SIRPA: variants seen among roughly 807,000 people sequenced by gnomAD.
SIRPA encodes the protein tyrosine-protein phosphatase non-receptor type substrate 1.
A neutral mutation model predicts 50.3 loss-of-function variants in SIRPA; 9 were observed. The ratio of observed to expected loss-of-function variants is 0.18; its 90% CI spans 0.11 to 0.31. The LOEUF (loss-of-function observed/expected upper bound fraction) is 0.31, where lower values mean the gene tolerates loss of function less well. Ranked by LOEUF, SIRPA falls within the 10% of genes least tolerant of loss-of-function variation. The pLI is 1.00. For synonymous variants in SIRPA, 265 were observed against 284.1 expected, an observed-to-expected ratio of 0.93 and a Z score of 0.68; for missense variants, 474 against 661.6, an observed-to-expected ratio of 0.72 and a Z score of 3.11.
intron 2 of SIRPA, among the ~76,000 whole-genome samples, chr20:1,916,005 T>C (rs1319310528): frequency 6.6e-6 from 1 of 152,242 alleles, no homozygotes; most frequent in African/African-American, 2.4e-5. Context: ...ACAGATTTAC[T>C]GTTTAATCTG....
At chr20:1,901,082 C>A (rs923167318) in intron 1 of SIRPA, among the ~76,000 whole-genome samples, 1 of 151,648 alleles carries the variant, frequency 6.6e-6, no homozygotes, top group Non-Finnish European at 1.5e-5. Context: ...GGTAGGGAAA[C>A]TGAGGCCCAG....
chr20:1,900,295 T>TA (rs1249722560), intron 1 of SIRPA, among the ~76,000 whole-genome samples: 1 of 152,090 alleles, frequency 6.6e-6, no homozygotes, highest in East Asian at 1.9e-4. Flanking sequence ...AGACAAGGTT[T>TA]CTCCGTGTTG....
chr20:1,902,633 C>G (rs1303468512), intron 1 of SIRPA, among the ~76,000 whole-genome samples: 1 of 152,046 alleles, frequency 6.6e-6, no homozygotes, highest in East Asian at 1.9e-4. Context: ...TGCCAGGTAG[C>G]TGGGGAGAAA....
chr20:1,918,041 G>A (rs1049574069), intron 2 of SIRPA, among the ~76,000 whole-genome samples: 1 of 152,244 alleles, frequency 6.6e-6, no homozygotes. Flanking sequence ...GGGATGAGGA[G>A]ACAGTGCCTT....
At chr20:1,931,251 A>C (rs915270968) in intron 6 of SIRPA, among the ~76,000 whole-genome samples, 2 of 152,188 alleles carry the variant, frequency 1.3e-5, no homozygotes, top group Non-Finnish European at 1.5e-5. Context: ...GTTGTTCCCC[A>C]GCCACACTTT....
At chr20:1,919,294 A>G (rs755819636) in intron 2 of SIRPA, among the ~76,000 whole-genome samples, 2 of 152,264 alleles carry the variant, frequency 1.3e-5, no homozygotes, top group African/African-American at 4.8e-5. Context: ...AAAGTTTTTA[A>G]TTAATCCAGA....
chr20:1,912,268 C>T (rs1254657275), intron 1 of SIRPA, among the ~76,000 whole-genome samples: 1 of 152,238 alleles, frequency 6.6e-6, no homozygotes, highest in African/African-American at 2.4e-5. Context: ...CCTGCGCCTC[C>T]TGCTCCCTCA....
intron 1 of SIRPA, among the ~76,000 whole-genome samples, chr20:1,905,121 A>G (rs1249831349): frequency 1.3e-5 from 2 of 152,246 alleles, no homozygotes; most frequent in African/African-American, 2.4e-5. Context: ...GAATCAGTGA[A>G]TAGTGTCAGC....
chr20:1,934,005 A>T lies in SIRPA; in HGVS notation c.1227-710A>T, dbSNP rs1223200197. ...TGGGAAACTAAAAAGGAGAAAAAAAATACCATGCAAAGACCACTGCAGTTT... is the reference window on the plus strand; with the variant it reads ...TGGGAAACTAAAAAGGAGAAAAAAATTACCATGCAAAGACCACTGCAGTTT... On this transcript the variant is annotated intron_variant, in intron 6 of 7. Transcript: ENST00000358771. This position sits in a 1 kb window ranked among gnomAD's most constrained non-coding sequence, Gnocchi z 4.6. 6.6e-6 allele frequency among the ~76,000 whole-genome samples: 1 copy of T among 152,252 alleles called. No individual in the cohort carries two copies. The highest frequency in any genetic ancestry group is 1.5e-5 in the Non-Finnish European group (1 of 68,040).
upstream of SIRPA, chr20:1,895,291 C>T: frequency 2.3e-6 from 1 of 436,860 alleles, no homozygotes; most frequent in Non-Finnish European, 3.8e-6. Flanking sequence ...ACCGCGGCGG[C>T]GGCGGCGGCC....
At chr20:1,918,764 A>C (rs1985466113) in intron 2 of SIRPA, among the ~76,000 whole-genome samples, 1 of 151,936 alleles carries the variant, frequency 6.6e-6, no homozygotes, top group Admixed American at 6.6e-5. Flanking sequence ...ATGATTGCCA[A>C]CCCTCACAGG....
At chr20:1,917,860 G>A (rs546006704) in intron 2 of SIRPA, among the ~76,000 whole-genome samples, 1 of 152,192 alleles carries the variant, frequency 6.6e-6, no homozygotes, top group Non-Finnish European at 1.5e-5. Context: ...AGGGTAACCA[G>A]ATCTGGGTAC....
chr20:1,903,498 C>T (rs776391012), intron 1 of SIRPA, among the ~76,000 whole-genome samples: 8 of 152,180 alleles, frequency 5.3e-5, no homozygotes, highest in Non-Finnish European at 4.4e-5. Flanking sequence ...GGGCTCTTCA[C>T]CCATAGCAGC....
rs1180465725 is a variant in SIRPA at position 1,895,471 on chromosome 20, C to T, written c.24C>T (p.Pro8=). ...CCATGGAGCCCGCCGGCCCGGCCCC[C>T]GGCCGCCTCGGGCCGCTGCTCTGCC... MEPAGPA[P]GRLGPLLCLL... is the part of the protein sequence containing the mutation. The change falls in exon 1 of 8, where the codon CCC becomes CCT. Residue 8 remains proline, a synonymous_variant. Coordinates refer to ENST00000358771, the MANE Select transcript of SIRPA (RefSeq NM_001040023.2). 6.8e-5 allele frequency: 97 copies of T among 1,431,518 alleles called. No homozygotes were observed. The highest frequency in any genetic ancestry group is 8.0e-5 in the Non-Finnish European group (88 of 1,098,750). 88.7% of individuals were successfully genotyped at this position (1,431,518 alleles called of 1,614,324 possible).
At chr20:1,919,364 G>A (rs920275639) in intron 2 of SIRPA, among the ~76,000 whole-genome samples, 1 of 152,232 alleles carries the variant, frequency 6.6e-6, no homozygotes, top group Non-Finnish European at 1.5e-5. Context: ...AGGTCACGGA[G>A]GACAAGTTGG....
intron 1 of SIRPA, among the ~76,000 whole-genome samples, chr20:1,901,196 A>C (rs1378021300): frequency 2.0e-5 from 2 of 102,288 alleles, no homozygotes; most frequent in Non-Finnish European, 3.5e-5. Flanking sequence ...TTTGAGACGG[A>C]GTCTTGCTCT....
At position 1,921,642 on chromosome 20, in the gene SIRPA, C is replaced by T. The variant is rs376873084; in HGVS notation, c.684C>T (p.Cys228=). 27 of 1,614,086 alleles carry T rather than the reference C, an allele frequency of 1.7e-5. No individual in the cohort carries two copies. The highest frequency in any genetic ancestry group is 4.0e-5 in the African/African-American group (3 of 74,938). ...AGGACGTTCACTCTCAAGTCATCTG[C>T]GAGGTGGCCCACGTCACCTTGCAGG... ...TREDVHSQVI[C]EVAHVTLQGD... is the part of the protein sequence containing the mutation. Residue 228 remains cysteine (C), a synonymous_variant, in exon 3 of 8, where the codon TGC becomes TGT. Coordinates refer to ENST00000358771, the MANE Select transcript of SIRPA (RefSeq NM_001040023.2).
chr20:1,934,881 TC>T lies in SIRPA; in HGVS notation c.1266+129del. 1.0e-6 allele frequency: 1 copy of T among 995,218 alleles called. No homozygotes were observed. The allele number at this position is 995,218 out of a possible 1,614,324, so 61.6% of individuals were successfully genotyped here. On this transcript the variant is annotated intron_variant, in intron 7 of 7. Transcript: ENST00000358771. This position sits in a 1 kb window ranked among gnomAD's most constrained non-coding sequence, Gnocchi z 4.6. ...GGGTGGAGGGTGGAGGATCTTACAC[TC>T]CTAGCTTTCCCCATGTCCTGTGCAT...
In SIRPA at chr20:1,936,866, A is replaced by G. The variant is rs1048580824; in HGVS notation, c.1267-454A>G. ...GGCTGAGGAAGCACAAAGAAGGAAC[A>G]TGGACCCTGCCAGGAGAGGGGAGAG... On this transcript the variant is annotated intron_variant, in intron 7 of 7. Coordinates refer to ENST00000358771, the MANE Select transcript of SIRPA (RefSeq NM_001040023.2). The surrounding 1 kb of genome is among the most constrained non-coding windows in gnomAD (Gnocchi z 4.2). Among the ~76,000 whole-genome samples the G allele has an allele frequency of 1.3e-5, 2 of 152,200 alleles. No homozygotes were observed. Among genetic ancestry groups the G allele is most frequent in the African/African-American group, 4.8e-5 (2 of 41,454 alleles).
Sources: allele counts gnomAD v4.1 joint callset (sites outside exome capture counted in the v4.1 genomes callset), GRCh38; gene constraint gnomAD v4.1.1; non-coding constraint Gnocchi (gnomAD v3.1); transcripts MANE v1.5; gene names NCBI Gene and HGNC (gene_info 2026-07-23, HGNC 2026-07-21).